The following MAP4K1 variants were observed in gnomAD, a reference collection of about 807,000 sequenced individuals.
The protein encoded by MAP4K1 is MAPK/ERK kinase kinase kinase 1.
In MAP4K1, 35 loss-of-function variants were observed where a neutral mutation model predicts 122.8. That is an observed-to-expected ratio of 0.29 (90% CI 0.22 to 0.38). The LOEUF is 0.38. MAP4K1 is among the 10% of genes least tolerant of loss of function. The pLI is 1.00. For missense variants in MAP4K1, 791 were observed against 1,072.6 expected (o/e 0.74, Z 3.67); for synonymous variants, 412 against 421.3 (o/e 0.98, Z 0.27).
In MAP4K1 at chr19:38,614,757, C is replaced by T. The variant is rs923112900; in HGVS notation, c.314-312G>A. The T allele has an allele frequency of 7.8e-6, 3 of 385,820 alleles. No individual in the cohort carries two copies. In the Admixed American group the frequency reaches 1.2e-4, roughly 15 times the overall value. The allele number at this position is 385,820 out of a possible 1,614,324, so 23.9% of individuals were successfully genotyped here. A position where few individuals can be genotyped will look rare whatever the true frequency, so the allele number is the denominator to read the frequency against. ...CCAACATGGTGAAACCCCATCTCTA[C>T]TAAAAAATACAAAAATTAGCCAGGC... On this transcript the variant is annotated intron_variant, in intron 4 of 30. Transcript: ENST00000396857.
At chr19:38,604,128 C>CAAAAAAAAAAAAAA (rs200072842) in intron 19 of MAP4K1, among the ~76,000 whole-genome samples, 1 of 53,524 alleles carries the variant, frequency 1.9e-5, no homozygotes. Context: ...GATACTATCT[C>CAAAAAAAAAAAAAA]AAAAAAAAAA....
At chr19:38,599,874 C>T in intron 22 of MAP4K1, 51 bp downstream of exon 22, 1 of 1,576,276 alleles carries the variant, frequency 6.3e-7, no homozygotes. Flanking sequence ...CCCCCGAACC[C>T]TTGGACCCCT....
In MAP4K1 at chr19:38,603,070, A is replaced by ATACATATATACACATG. The variant is rs1347440808; in HGVS notation, c.1447-1561_1447-1546dup. On this transcript the variant is annotated intron_variant, in intron 19 of 30. Transcript: ENST00000396857. ...TATATACGCATATACATATACACAT[A>ATACATATATACACATG]TACATATATACACATGTACATATAT... Among the ~76,000 whole-genome samples, 78 of 136,430 alleles carry ATACATATATACACATG rather than the reference A, an allele frequency of 5.7e-4. 3 individuals carry two copies. The highest frequency in any genetic ancestry group is 1.0e-3 in the East Asian group (4 of 4,004). The allele number at this position is 136,430 out of a possible 152,430, so 89.5% of individuals were successfully genotyped here. A position where few individuals can be genotyped will look rare whatever the true frequency, so the allele number is the denominator to read the frequency against.
At chr19:38,606,334 T>C in intron 16 of MAP4K1, 119 bp from the exon 17 acceptor site, 1 of 594,192 alleles carries the variant, frequency 1.7e-6, no homozygotes, top group Non-Finnish European at 3.0e-6. Flanking sequence ...GATTAAGGGA[T>C]GACTGGTTCT....
Position 38,614,087 on chromosome 19 carries a change from T to C in MAP4K1, c.418-2A>G. ...ATCATTGATGAGGATGTTAGCTCCC[T>C]GGGAATGAGAGGGGATATGGGAGGC... On this transcript the variant is annotated splice_acceptor_variant, in intron 6 of 30. Coordinates refer to ENST00000396857, the MANE Select transcript of MAP4K1 (RefSeq NM_001042600.3). LOFTEE classifies it high-confidence loss of function. 6.2e-7 allele frequency: 1 copy of C among 1,612,236 alleles called. No homozygotes were observed. The highest frequency in any genetic ancestry group is 8.5e-7 in the Non-Finnish European group (1 of 1,179,714).
At position 38,617,952 on chromosome 19, in the gene MAP4K1, C is replaced by G; in HGVS notation, c.-57G>C. 1.4e-6 allele frequency: 2 copies of G among 1,425,392 alleles called. No individual in the cohort carries two copies. The highest frequency in any genetic ancestry group is 2.3e-5 in the South Asian group (2 of 87,218). 88.3% of individuals were successfully genotyped at this position (1,425,392 alleles called of 1,614,324 possible). On this transcript the variant is annotated 5_prime_UTR_variant, in exon 1 of 31. Coordinates refer to ENST00000396857, the MANE Select transcript of MAP4K1 (RefSeq NM_001042600.3). This position sits in a 1 kb window ranked among gnomAD's most constrained non-coding sequence, Gnocchi z 4.1. ...GGGCCAGCAGGGCCTCAGGGCTCAA[C>G]TTCTGGCACCTCCCTCCGTCCCCAG...
Position 38,597,234 on chromosome 19 carries a change from A to G in MAP4K1, c.1837+92T>C. On this transcript the variant is annotated intron_variant, in intron 24 of 30. Coordinates refer to ENST00000396857, the MANE Select transcript of MAP4K1 (RefSeq NM_001042600.3). This position sits in a 1 kb window ranked among gnomAD's most constrained non-coding sequence, Gnocchi z 4.6. ...TTCTGGGTTCTGGACACATTGCCTT[A>G]ACTCTGTAACCTTCTCAGGTGGATG... 1 of 1,600,126 alleles carries G rather than the reference A, an allele frequency of 6.2e-7. No individual in the cohort carries two copies. Among genetic ancestry groups the G allele is most frequent in the Non-Finnish European group, 8.6e-7 (1 of 1,168,202 alleles).
intron 4 of MAP4K1, 74 bp from the exon 5 acceptor site, chr19:38,614,519 C>G: frequency 2.6e-6 from 4 of 1,517,742 alleles, no homozygotes; most frequent in South Asian, 1.1e-5. Flanking sequence ...TCCTGCCCCC[C>G]CACACCAGCT....
chr19:38,596,436 G>C lies in MAP4K1; in HGVS notation c.1992C>G (p.Thr664=), dbSNP rs200901520. The change falls in exon 26 of 31, where the codon ACC becomes ACG. Residue 664 remains threonine, a synonymous_variant. Transcript: ENST00000396857. ...PTPLSVFALL[T]GPGSELPAVC... ...CAGCGGGCAGCTCAGAGCCTGGCCC[G>C]GTCAGCAGCGCGAACACGGACAGAG... 36 of 1,589,618 alleles carry C rather than the reference G, an allele frequency of 2.3e-5. 1 individual carries two copies. In the East Asian group the frequency reaches 4.3e-4, roughly 19 times the overall value.
intron 26 of MAP4K1, 29 bp downstream of exon 26, chr19:38,596,283 C>A: frequency 6.6e-7 from 1 of 1,521,988 alleles, no homozygotes; most frequent in East Asian, 2.4e-5. Context: ...TGATAAGCCC[C>A]GCCCTCAGCA....
Position 38,597,163 on chromosome 19 carries a change from A to G in MAP4K1, c.1838-26T>C. The G allele has an allele frequency of 1.2e-6, 2 of 1,610,526 alleles. No individual in the cohort carries two copies. Among genetic ancestry groups the G allele is most frequent in the Non-Finnish European group, 1.7e-6 (2 of 1,176,732 alleles). On this transcript the variant is annotated intron_variant, in intron 24 of 30. Transcript: ENST00000396857. This position sits in a 1 kb window ranked among gnomAD's most constrained non-coding sequence, Gnocchi z 4.6. The stretch of plus-strand genomic sequence containing the variant: ...CTGTGGCATGGGCAAGGATGAGTCA[A>G]GATCAATGCCCTCTATCCTCCTCGC...
At chr19:38,609,247 A>G (rs1599714415) in intron 13 of MAP4K1, among the ~76,000 whole-genome samples, 1 of 151,864 alleles carries the variant, frequency 6.6e-6, no homozygotes, top group South Asian at 2.1e-4. Flanking sequence ...CAATCCTCCT[A>G]CCTCAGCCTC....
chr19:38,613,741 C>G, intron 8 of MAP4K1, 139 bp downstream of exon 8: 1 of 668,896 alleles, frequency 1.5e-6, no homozygotes, highest in South Asian at 1.9e-5. Flanking sequence ...CAAGCGACAC[C>G]CAGAGAGAAT....
chr19:38,601,845 TC>T (rs1975075170), intron 19 of MAP4K1, among the ~76,000 whole-genome samples: 1 of 152,080 alleles, frequency 6.6e-6, no homozygotes, highest in African/African-American at 2.4e-5. Context: ...TGACATGATC[TC>T]AGCTCACTAC....
chr19:38,593,279 T>A lies in MAP4K1; in HGVS notation c.2396+3A>T. The stretch of plus-strand genomic sequence containing the variant: ...TCCTTCTGCACCCCACCCCACAACA[T>A]ACCTGGGGGAGCCAAGCAGACGGAA... On this transcript the variant is annotated splice_donor_region_variant and intron_variant, in intron 30 of 30. Transcript: ENST00000396857. 1 of 1,611,058 alleles carries A rather than the reference T, an allele frequency of 6.2e-7. No individual in the cohort carries two copies. Among genetic ancestry groups the A allele is most frequent in the Non-Finnish European group, 8.5e-7 (1 of 1,178,470 alleles).
At chr19:38,603,090 A>G (rs1975178952) in intron 19 of MAP4K1, among the ~76,000 whole-genome samples, 1 of 143,338 alleles carries the variant, frequency 7.0e-6, no homozygotes, top group Admixed American at 7.2e-5. Flanking sequence ...ACACATGTAC[A>G]TATATACACA....
At chr19:38,603,084 A>G (rs535556025) in intron 19 of MAP4K1, among the ~76,000 whole-genome samples, 1 of 125,276 alleles carries the variant, frequency 8.0e-6, no homozygotes, top group East Asian at 2.4e-4. Context: ...ATATATACAC[A>G]TGTACATATA....
chr19:38,611,196 C>T, intron 10 of MAP4K1, 47 bp downstream of exon 10: 2 of 1,601,596 alleles, frequency 1.2e-6, no homozygotes, highest in Non-Finnish European at 1.7e-6. Context: ...GGCCACCCAG[C>T]CCCAGCCCTG....
chr19:38,593,330 T>C lies in MAP4K1; in HGVS notation c.2348A>G (p.Gln783Arg). ...AGTGAGGGTAGGGTCTCTCAGCTCC[T>C]GTAGCAGCTAGGGAAAAAAAGTGTG... ...VWALGSDQLL[Q>R]ELRDPTLTFR... is the part of the protein sequence containing the mutation. Residue 783 changes from glutamine to arginine, a missense_variant, in exon 30 of 31, where the codon CAG (glutamine) becomes CGG (arginine). Physicochemically the swap from Gln to Arg is conservative, Grantham distance 43. Around this residue, in one of 4 missense-constraint regions of MAP4K1, gnomAD observed 267 missense variants for 323.0 expected, o/e 0.83. Transcript: ENST00000396857. The C allele has an allele frequency of 6.2e-7, 1 of 1,610,256 alleles. No homozygotes were observed. The highest frequency in any genetic ancestry group is 1.1e-5 in the South Asian group (1 of 90,430).
Sources: gnomAD v4.1 joint callset for allele counts (sites outside exome capture counted in the v4.1 genomes callset) on GRCh38, gnomAD v4.1.1 for gene constraint, gnomAD v4.1.1 regional missense constraint, Gnocchi (gnomAD v3.1) non-coding constraint, MANE v1.5 for transcripts, NCBI Gene and HGNC (gene_info 2026-07-23, HGNC 2026-07-21) for gene names.